TRMT44: variants seen among roughly 807,000 people sequenced by gnomAD.
TRMT44 encodes tRNA methyltransferase 44 homolog.
TRMT44 carries 78 observed loss-of-function variants against 77.3 expected under a neutral mutation model. The ratio of observed to expected loss-of-function variants is 1.01; its 90% CI spans 0.84 to 1.22. The LOEUF is 1.22. TRMT44 is among the 50% of genes most tolerant of loss of function. TRMT44 has a pLI of 0.00. For synonymous variants in TRMT44, 391 were observed against 383.3 expected (o/e 1.02, Z -0.23); for missense variants, 1,090 against 964.4 (o/e 1.13, Z -1.73).
intron 2 of TRMT44, among the ~76,000 whole-genome samples, chr4:8,491,657 C>T (rs1728010463): frequency 6.6e-6 from 1 of 152,236 alleles, no homozygotes; most frequent in South Asian, 2.1e-4. Flanking sequence ...GCCCGGGTGC[C>T]AAGTCCCTCA....
chr4:8,491,438 G>T (rs1728000655), intron 2 of TRMT44, among the ~76,000 whole-genome samples: 1 of 152,254 alleles, frequency 6.6e-6, no homozygotes, highest in Non-Finnish European at 1.5e-5. Context: ...TGGTCGATGG[G>T]ACTGGGTGCC....
intron 6 of TRMT44, among the ~76,000 whole-genome samples, chr4:8,460,527 T>C (rs534630511): frequency 6.6e-6 from 1 of 151,666 alleles, no homozygotes; most frequent in Non-Finnish European, 1.5e-5. Flanking sequence ...AGTAGAAAAA[T>C]ATTCCAAAAC....
intron 5 of TRMT44, chr4:8,453,480 GAAA>G (rs889183495): frequency 2.0e-5 from 3 of 152,928 alleles, no homozygotes; most frequent in African/African-American, 7.2e-5. Flanking sequence ...GCAAAAAAAA[GAAA>G]AACAAATAAG....
At chr4:8,443,269 G>T (rs972351286) in intron 1 of TRMT44, among the ~76,000 whole-genome samples, 17 of 152,336 alleles carry the variant, frequency 1.1e-4, no homozygotes, top group Non-Finnish European at 2.1e-4. Flanking sequence ...GGCAGTGCCC[G>T]TGAGGCCTTC....
chr4:8,453,211 G>A (rs871768), intron 5 of TRMT44, among the ~76,000 whole-genome samples: 108,097 of 152,108 alleles, frequency 0.71, 39,291 homozygotes, highest in African/African-American at 0.86. Context: ...GGAAGTCCCC[G>A]GGCCCCGGCA....
intron 6 of TRMT44, among the ~76,000 whole-genome samples, chr4:8,462,257 C>G (rs1402483821): frequency 6.6e-6 from 1 of 151,792 alleles, no homozygotes; most frequent in South Asian, 2.1e-4. Flanking sequence ...ACTAAAAATA[C>G]AAAATTAGCC....
In TRMT44 at chr4:8,440,914, C is replaced by G; in HGVS notation, c.92C>G (p.Pro31Arg). 1 of 1,530,446 alleles carries G rather than the reference C, an allele frequency of 6.5e-7. No individual in the cohort carries two copies. The highest frequency in any genetic ancestry group is 2.5e-5 in the East Asian group (1 of 40,562). 94.8% of individuals were successfully genotyped at this position (1,530,446 alleles called of 1,614,324 possible). The change falls in exon 1 of 11, where the codon CCG becomes CGG. Residue 31 changes from proline to arginine, a missense_variant. Coordinates refer to ENST00000389737, the MANE Select transcript of TRMT44 (RefSeq NM_152544.3). ...WAAVEVWLER[P>R]QVANKRLCGA... ...GCGGTCGAAGTGTGGCTGGAGAGGC[C>G]GCAGGTGGCAAACAAACGGCTTTGC... is the stretch of plus-strand genomic sequence containing the variant.
rs1441904896 is a variant in TRMT44 at position 8,485,104 on chromosome 4, A to G, written n.3891+5571A>G. Among the ~76,000 whole-genome samples the G allele has an allele frequency of 2.6e-5, 4 of 152,206 alleles. No homozygotes were observed. In the East Asian group the frequency reaches 7.7e-4, roughly 29 times the overall value. ...GGGTGGAAATAAAGTAAATCATGAG[A>G]AAGAGCTTGGCTGAAGTAATGAGGG... On this transcript the variant is annotated intron_variant and non_coding_transcript_variant, in intron 2 of 2. Coordinates refer to the TRMT44 transcript ENST00000511366.
intron 10 of TRMT44, among the ~76,000 whole-genome samples, chr4:8,475,404 C>G (rs1171161510): frequency 1.3e-5 from 2 of 152,220 alleles, no homozygotes; most frequent in Non-Finnish European, 2.9e-5. Flanking sequence ...CCACAAGGGA[C>G]CCAGCTCTGT....
the TRMT44 span, among the ~76,000 whole-genome samples, chr4:8,502,133 A>C: frequency 6.6e-6 from 1 of 152,250 alleles, no homozygotes; most frequent in Non-Finnish European, 1.5e-5. Flanking sequence ...TGACCCATAA[A>C]ACGGGGGCTC....
chr4:8,468,430 A>G lies in TRMT44; in HGVS notation c.1927+84A>G, dbSNP rs559782244. 148 of 1,380,118 alleles carry G rather than the reference A, an allele frequency of 1.1e-4. No homozygotes were observed. The African/African-American group carries it at 1.9e-3, about 18-fold the overall frequency. 85.5% of individuals were successfully genotyped at this position (1,380,118 alleles called of 1,614,324 possible). The stretch of plus-strand genomic sequence containing the variant: ...TTCACGTCTTCAGAACCGACATGAA[A>G]TGGTGTGGCCCTGTGACTACACACT... On this transcript the variant is annotated intron_variant, in intron 9 of 10. Coordinates refer to ENST00000389737, the MANE Select transcript of TRMT44 (RefSeq NM_152544.3).
chr4:8,509,136 A>G, the TRMT44 span: 3 of 147,244 alleles, frequency 2.0e-5, no homozygotes, highest in Admixed American at 2.1e-4. Flanking sequence ...CAGGACATTC[A>G]TTGCAAGTGC....
At chr4:8,479,694 G>T (rs1305907114), downstream of TRMT44, among the ~76,000 whole-genome samples, 2 of 152,130 alleles carry the variant, frequency 1.3e-5, no homozygotes, top group Non-Finnish European at 2.9e-5. Context: ...AGGCCCTTCT[G>T]CAGGCTGGAT....
Position 8,440,909 on chromosome 4 carries a change from G to A in TRMT44, c.87G>A (p.Glu29=). 1 of 1,530,426 alleles carries A rather than the reference G, an allele frequency of 6.5e-7. No individual in the cohort carries two copies. The highest frequency in any genetic ancestry group is 8.7e-7 in the Non-Finnish European group (1 of 1,145,524). 94.8% of individuals were successfully genotyped at this position (1,530,426 alleles called of 1,614,324 possible). The stretch of plus-strand genomic sequence containing the variant: ...GGGCTGCGGTCGAAGTGTGGCTGGA[G>A]AGGCCGCAGGTGGCAAACAAACGGC... ...GFWAAVEVWL[E]RPQVANKRLC... Residue 29 remains glutamate, a synonymous_variant, in exon 1 of 11, where the codon GAG becomes GAA. Coordinates refer to ENST00000389737, the MANE Select transcript of TRMT44 (RefSeq NM_152544.3).
In TRMT44 at chr4:8,451,440, T is replaced by C. The variant is rs955198639; in HGVS notation, c.955-520T>C. ...GACTAATTTTAATAATGAGAGCTCATGTTTGCACAGCTAGTGCTTTACAGT... is the reference window on the plus strand; with the variant it reads ...GACTAATTTTAATAATGAGAGCTCACGTTTGCACAGCTAGTGCTTTACAGT... On this transcript the variant is annotated intron_variant, in intron 3 of 10. Transcript: ENST00000389737. The surrounding 1 kb of genome is among the most constrained non-coding windows in gnomAD (Gnocchi z 4.1). Among the ~76,000 whole-genome samples the C allele has an allele frequency of 1.3e-5, 2 of 152,244 alleles. No individual in the cohort carries two copies. Among genetic ancestry groups the C allele is most frequent in the Non-Finnish European group, 2.9e-5 (2 of 68,042 alleles).
chr4:8,488,185 T>G (rs1028705181), intron 2 of TRMT44, among the ~76,000 whole-genome samples: 1 of 152,178 alleles, frequency 6.6e-6, no homozygotes, highest in Non-Finnish European at 1.5e-5. Flanking sequence ...TGGACCTTTA[T>G]CATGGAGCAA....
At chr4:8,448,463 G>A (rs1725203042) in intron 2 of TRMT44, among the ~76,000 whole-genome samples, 1 of 152,206 alleles carries the variant, frequency 6.6e-6, no homozygotes, top group Non-Finnish European at 1.5e-5. Flanking sequence ...CCTCTGAGAA[G>A]GGACATGGAA....
chr4:8,508,411 G>T, the TRMT44 span, among the ~76,000 whole-genome samples: 1 of 152,190 alleles, frequency 6.6e-6, no homozygotes, highest in Non-Finnish European at 1.5e-5. Flanking sequence ...TGGGTTATTG[G>T]TTGGGCCTGG....
At chr4:8,479,605 T>G (rs1046271163), downstream of TRMT44, 1 of 152,128 alleles carries the variant, frequency 6.6e-6, no homozygotes, top group African/African-American at 2.4e-5. Flanking sequence ...ATGCTTCAGC[T>G]GTGGAGGGCA....
Sources: gnomAD v4.1 joint callset for allele counts (sites outside exome capture counted in the v4.1 genomes callset) on GRCh38, gnomAD v4.1.1 for gene constraint, Gnocchi (gnomAD v3.1) non-coding constraint, MANE v1.5 for transcripts, NCBI Gene and HGNC (gene_info 2026-07-23, HGNC 2026-07-21) for gene names.